KIF14: variants seen among roughly 807,000 people sequenced by gnomAD.
KIF14 encodes the protein kinesin-like protein KIF14.
A neutral mutation model predicts 176.2 loss-of-function variants in KIF14; 98 were observed. The ratio of observed to expected loss-of-function variants is 0.56; its 90% CI spans 0.47 to 0.66. The LOEUF (loss-of-function observed/expected upper bound fraction) is 0.66, where lower values mean the gene tolerates loss of function less well. KIF14 is among the 30% of genes least tolerant of loss of function. The pLI is 0.00. For synonymous variants in KIF14, 566 were observed against 632.2 expected (o/e 0.90, Z 1.57); for missense variants, 1,751 against 1,920.4 (o/e 0.91, Z 1.65).
chr1:200,619,303 A>ATTT (rs35089676), intron 1 of KIF14, among the ~76,000 whole-genome samples: 227 of 147,886 alleles, frequency 1.5e-3, no homozygotes, highest in African/African-American at 5.4e-3. Flanking sequence ...TGCTACACGT[A>ATTT]TTTTTTTTTT....
rs1656690310 is a variant in KIF14 at position 200,553,849 on chromosome 1, T to C, written c.4568-82A>G. 3.0e-6 allele frequency: 4 copies of C among 1,337,072 alleles called. No homozygotes were observed. The South Asian group carries it at 4.5e-5, about 15-fold the overall frequency. 82.8% of individuals were successfully genotyped at this position (1,337,072 alleles called of 1,614,324 possible). ...TTATGACTTTTATAGACTCTAGATA[T>C]CTTTTAAGTCAAAGTGACCCTATCA... On this transcript the variant is annotated intron_variant, in intron 29 of 29. Coordinates refer to ENST00000367350, the MANE Select transcript of KIF14 (RefSeq NM_014875.3).
chr1:200,560,043 C>A (rs952257347), intron 26 of KIF14, among the ~76,000 whole-genome samples: 2 of 152,126 alleles, frequency 1.3e-5, no homozygotes, highest in African/African-American at 4.8e-5. Flanking sequence ...GTGTGAGCCA[C>A]CGCCCCCAGC....
intron 8 of KIF14, 63 bp downstream of exon 8, chr1:200,605,220 C>A (rs1345619932): frequency 2.1e-6 from 3 of 1,462,374 alleles, no homozygotes; most frequent in African/African-American, 1.5e-5. Flanking sequence ...TAAAAAAATA[C>A]CTTGGTCTGG....
chr1:200,580,171 CT>C, intron 21 of KIF14, 82 bp downstream of exon 21: 2 of 727,512 alleles, frequency 2.7e-6, no homozygotes, highest in Non-Finnish European at 3.9e-6. Context: ...TATATATATA[CT>C]TTTTTCACCA....
At position 200,602,048 on chromosome 1, in the gene KIF14, C is replaced by T; in HGVS notation, c.2000G>A (p.Gly667Asp). The T allele has an allele frequency of 6.2e-7, 1 of 1,611,944 alleles. No homozygotes were observed. The highest frequency in any genetic ancestry group is 8.5e-7 in the Non-Finnish European group (1 of 1,179,436). ...VLTWLLKESLGGNSKTAMIAT... is the reference protein window; with the variant it reads ...VLTWLLKESLDGNSKTAMIAT... ...AATCATTGCAGTTTTTGAATTTCCA[C>T]CCAGACTTTCTTTTAACAGCCTACA... The change falls in exon 11 of 30, where the codon GGT becomes GAT. Residue 667 changes from glycine (G) to aspartate (D), a missense_variant. Physicochemically the swap from Gly to Asp is moderately conservative, Grantham distance 94. Coordinates refer to ENST00000367350, the MANE Select transcript of KIF14 (RefSeq NM_014875.3).
In KIF14 at chr1:200,618,814, T is replaced by A. The variant is rs1355646656; in HGVS notation, c.-91A>T. On this transcript the variant is annotated 5_prime_UTR_variant, in exon 2 of 30. Transcript: ENST00000367350. The stretch of plus-strand genomic sequence containing the variant: ...TTGATTTCCAGCCATTTCTTATGTA[T>A]CCATTTCTGAAAGTATCTGCTAAAC... The A allele has an allele frequency of 4.6e-6, 5 of 1,084,088 alleles. No homozygotes were observed. The highest frequency in any genetic ancestry group is 6.6e-6 in the Non-Finnish European group (5 of 761,138). 67.2% of individuals were successfully genotyped at this position (1,084,088 alleles called of 1,614,324 possible). A position where few individuals can be genotyped will look rare whatever the true frequency, so the allele number is the denominator to read the frequency against.
intron 19 of KIF14, among the ~76,000 whole-genome samples, chr1:200,585,411 T>C (rs1658683207): frequency 6.6e-6 from 1 of 151,942 alleles, no homozygotes; most frequent in Non-Finnish European, 1.5e-5. Context: ...AAGAAAAAAA[T>C]GTCTAAGTGA....
chr1:200,566,896 C>T (rs973867679), intron 23 of KIF14, among the ~76,000 whole-genome samples: 2 of 152,082 alleles, frequency 1.3e-5, no homozygotes, highest in African/African-American at 2.4e-5. Flanking sequence ...GTGTCTCAGC[C>T]GGGCACAGTG....
At chr1:200,592,003 G>C in intron 16 of KIF14, 77 bp downstream of exon 16, 1 of 1,243,494 alleles carries the variant, frequency 8.0e-7, no homozygotes, top group Admixed American at 2.3e-5. Context: ...TTAATTACTA[G>C]AGACTGGCAC....
chr1:200,577,321 C>G (rs2102638680), intron 21 of KIF14, among the ~76,000 whole-genome samples: 1 of 151,024 alleles, frequency 6.6e-6, no homozygotes. Flanking sequence ...AAGACTGTCT[C>G]AAAACAAACA....
At chr1:200,602,581 C>T (rs934998991) in intron 10 of KIF14, among the ~76,000 whole-genome samples, 1 of 152,032 alleles carries the variant, frequency 6.6e-6, no homozygotes, top group Non-Finnish European at 1.5e-5. Flanking sequence ...CAGATTTTCC[C>T]TTATAGGTTT....
chr1:200,595,655 A>G (rs1659293334), intron 14 of KIF14, among the ~76,000 whole-genome samples: 2 of 152,338 alleles, frequency 1.3e-5, no homozygotes, highest in Admixed American at 6.5e-5. Flanking sequence ...CCTAACAGAT[A>G]TAAAGATTCA....
Position 200,592,061 on chromosome 1 carries a change from A to C in KIF14, c.2813+19T>G, listed in dbSNP as rs374184943. 1.6e-5 allele frequency: 25 copies of C among 1,601,434 alleles called. No homozygotes were observed. The African/African-American group carries it at 3.2e-4, about 21-fold the overall frequency. Reference sequence around the variant, plus strand: ...ATCTCTCTCATACACTTACTATTTCATATCAACAGCATACTTACTGTGATC... The same window carrying C: ...ATCTCTCTCATACACTTACTATTTCCTATCAACAGCATACTTACTGTGATC... On this transcript the variant is annotated intron_variant, in intron 16 of 29. Transcript: ENST00000367350.
chr1:200,618,731 G>C lies in KIF14; in HGVS notation c.-8C>G, dbSNP rs1660543476. 1.2e-5 allele frequency: 19 copies of C among 1,577,414 alleles called. No homozygotes were observed. The highest frequency in any genetic ancestry group is 1.6e-5 in the Non-Finnish European group (19 of 1,162,188). On this transcript the variant is annotated 5_prime_UTR_variant, in exon 2 of 30. Coordinates refer to ENST00000367350, the MANE Select transcript of KIF14 (RefSeq NM_014875.3). ...AGTACTGTGTAATGACATTTTGGCA[G>C]ACAGTTATTTTAAAAAAGAATGTTA...
At position 200,554,515 on chromosome 1, in the gene KIF14, T is replaced by C; in HGVS notation, c.4520A>G (p.Lys1507Arg). 1.3e-6 allele frequency: 2 copies of C among 1,551,052 alleles called. No homozygotes were observed. The highest frequency in any genetic ancestry group is 2.7e-5 in the African/African-American group (2 of 73,590). Reference sequence around the variant, plus strand: ...TTCAATAGCTTTCTCTAAGCAATGTTTTAACTTTAAGAATTCTGGAGCACG... The same window carrying C: ...TTCAATAGCTTTCTCTAAGCAATGTCTTAACTTTAAGAATTCTGGAGCACG... ...VNRAPEFLKL[K>R]HCLEKAIEII... is the part of the protein sequence containing the mutation. Residue 1507 changes from lysine (K) to arginine (R), a missense_variant, in exon 29 of 30, where the codon AAA becomes AGA. By Grantham distance (26) the Lys-to-Arg change is conservative. Coordinates refer to ENST00000367350, the MANE Select transcript of KIF14 (RefSeq NM_014875.3).
intron 22 of KIF14, among the ~76,000 whole-genome samples, chr1:200,574,036 T>A (rs1657966923): frequency 6.6e-6 from 1 of 152,172 alleles, no homozygotes; most frequent in Non-Finnish European, 1.5e-5. Flanking sequence ...TTTGGACAAG[T>A]CACTTAACCT....
At chr1:200,568,894 A>G (rs1431727471) in intron 23 of KIF14, among the ~76,000 whole-genome samples, 1 of 150,264 alleles carries the variant, frequency 6.7e-6, no homozygotes, top group African/African-American at 2.4e-5. Flanking sequence ...TTATTGCTGC[A>G]TAGTAGTCTA....
At chr1:200,605,438 A>G in intron 7 of KIF14, 48 bp from the exon 8 acceptor site, 1 of 1,331,438 alleles carries the variant, frequency 7.5e-7, no homozygotes, top group Non-Finnish European at 1.1e-6. Context: ...CTGTAACTCA[A>G]TGATATAAAA....
rs1658368031 is a variant in KIF14 at position 200,580,243 on chromosome 1, A to C, written c.3465+11T>G. On this transcript the variant is annotated intron_variant, in intron 21 of 29. Transcript: ENST00000367350. ...TAAAAAATTTATAGAGATTTTAATAATATTCCAAACCTCATAAAGTTCTTT... is the reference window on the plus strand; with the variant it reads ...TAAAAAATTTATAGAGATTTTAATACTATTCCAAACCTCATAAAGTTCTTT... 1 of 1,317,524 alleles carries C rather than the reference A, an allele frequency of 7.6e-7. No homozygotes were observed. Among genetic ancestry groups the C allele is most frequent in the Non-Finnish European group, 9.9e-7 (1 of 1,009,214 alleles). The allele number at this position is 1,317,524 out of a possible 1,614,324, so 81.6% of individuals were successfully genotyped here.
Sources: allele counts gnomAD v4.1 joint callset (sites outside exome capture counted in the v4.1 genomes callset), GRCh38; gene constraint gnomAD v4.1.1; transcripts MANE v1.5; gene names NCBI Gene and HGNC (gene_info 2026-07-23, HGNC 2026-07-21).